GLDN: variants seen among roughly 807,000 people sequenced by gnomAD.
GLDN encodes collomin.
Under a neutral mutation model 56.5 loss-of-function variants are expected in GLDN, and 47 were observed. That is an observed-to-expected ratio of 0.83 (90% confidence interval 0.66 to 1.06). GLDN has a LOEUF of 1.06. GLDN is among the 50% of genes least tolerant of loss of function. The pLI, the probability that GLDN is intolerant of heterozygous loss-of-function variation, is 0.00. For missense variants in GLDN, 782 were observed against 714.3 expected, an observed-to-expected ratio of 1.09 and a Z score of -1.08; for synonymous variants, 332 against 278.8, an observed-to-expected ratio of 1.19 and a Z score of -1.90.
intron 2 of GLDN, among the ~76,000 whole-genome samples, chr15:51,381,201 A>G (rs1037308168): frequency 1.3e-5 from 2 of 152,210 alleles, no homozygotes; most frequent in African/African-American, 4.8e-5. Context: ...AGCTCTCACC[A>G]ACAGTACTGA....
chr15:51,402,740 C>T (rs115978251), intron 9 of GLDN, among the ~76,000 whole-genome samples: 1,612 of 152,226 alleles, frequency 0.011, 26 homozygotes, highest in African/African-American at 0.036. Flanking sequence ...TAGAATGGGG[C>T]GAGTTTCCTA....
rs1363716301 is a variant in GLDN, at chr15:51,400,450, T to A, written c.979T>A (p.Ser327Thr). ...TETFGTWIRESANKSDDRIWV... is the reference protein window; with the variant it reads ...TETFGTWIRETANKSDDRIWV... ...GACATTTGGGACTTGGATAAGAGAG[T>A]CTGCTAACAAGAGTGATGACCGGAT... The change falls in exon 8 of 10, where the codon TCT becomes ACT. Residue 327 changes from serine (S) to threonine (T), a missense_variant. Physicochemically the swap from Ser to Thr is moderately conservative, Grantham distance 58. Transcript: ENST00000335449. The A allele has an allele frequency of 6.2e-7, 1 of 1,613,648 alleles. No individual in the cohort carries two copies. Among genetic ancestry groups the A allele is most frequent in the African/African-American group, 1.3e-5 (1 of 74,846 alleles).
chr15:51,369,282 A>T, intron 1 of GLDN, among the ~76,000 whole-genome samples: 1 of 152,274 alleles, frequency 6.6e-6, no homozygotes, highest in East Asian at 1.9e-4. Flanking sequence ...TTGCATGCAT[A>T]TAATAACAGC....
intron 6 of GLDN, among the ~76,000 whole-genome samples, chr15:51,399,299 CA>C: frequency 6.6e-6 from 1 of 152,302 alleles, no homozygotes; most frequent in East Asian, 1.9e-4. Flanking sequence ...AGGAGCCCTT[CA>C]GATTACCCTC....
chr15:51,390,503 C>T (rs1260626815), intron 4 of GLDN, among the ~76,000 whole-genome samples: 7 of 152,220 alleles, frequency 4.6e-5, no homozygotes, highest in Non-Finnish European at 1.0e-4. Flanking sequence ...CTCATTTTCT[C>T]ACTTAAGAGT....
intron 2 of GLDN, among the ~76,000 whole-genome samples, chr15:51,383,146 C>T (rs752420026): frequency 3.3e-5 from 5 of 152,168 alleles, no homozygotes; most frequent in South Asian, 2.1e-4. Flanking sequence ...ACTGGCCCTC[C>T]GTTTATTAGG....
chr15:51,383,788 C>A lies in GLDN; in HGVS notation c.437C>A (p.Pro146His), dbSNP rs1446998999. Residue 146 changes from proline to histidine, a missense_variant, in exon 4 of 10, where the codon CCT becomes CAT. By Grantham distance (77) the Pro-to-His change is moderately conservative. Coordinates refer to ENST00000335449, the MANE Select transcript of GLDN (RefSeq NM_181789.4). The part of the protein sequence containing the change: ...CLTGPSGPPG[P>H]PGAGGLPGHN... ...CTGTTTCTGTGTTTTGATGCAGGAC[C>A]TCCGGGAGCCGGCGGGTTGCCAGGA... is the stretch of plus-strand genomic sequence containing the variant. The A allele has an allele frequency of 1.2e-6, 2 of 1,606,836 alleles. No individual in the cohort carries two copies. The highest frequency in any genetic ancestry group is 2.2e-5 in the East Asian group (1 of 44,794).
chr15:51,373,447 G>A (rs1036787230), intron 1 of GLDN, among the ~76,000 whole-genome samples: 2 of 152,220 alleles, frequency 1.3e-5, no homozygotes. Flanking sequence ...ACTGATAAAA[G>A]TTCGTGTACA....
At chr15:51,413,346 T>G in the GLDN span, among the ~76,000 whole-genome samples, 2 of 152,172 alleles carry the variant, frequency 1.3e-5, no homozygotes, top group African/African-American at 2.4e-5. Context: ...AAAAACACCT[T>G]AAGAAGCCAA....
intron 1 of GLDN, among the ~76,000 whole-genome samples, chr15:51,370,813 G>A (rs1482712592): frequency 6.6e-6 from 1 of 152,078 alleles, no homozygotes; most frequent in Non-Finnish European, 1.5e-5. Context: ...CCAACATGGT[G>A]AAATCTCATC....
At chr15:51,351,498 G>A (rs944550852) in intron 1 of GLDN, among the ~76,000 whole-genome samples, 1 of 152,186 alleles carries the variant, frequency 6.6e-6, no homozygotes, top group African/African-American at 2.4e-5. Flanking sequence ...CTGCCCACTA[G>A]ACCACAGGCT....
chr15:51,408,193 A>C (rs1374909469), downstream of GLDN, among the ~76,000 whole-genome samples: 1 of 152,254 alleles, frequency 6.6e-6, no homozygotes, highest in Non-Finnish European at 1.5e-5. Context: ...TCTATAAGAA[A>C]ACATGAGCGA....
chr15:51,374,388 G>A (rs935275826), intron 1 of GLDN, among the ~76,000 whole-genome samples: 2 of 152,124 alleles, frequency 1.3e-5, no homozygotes, highest in African/African-American at 4.8e-5. Context: ...TTATGAAAAT[G>A]ACTAAAGGCA....
Position 51,350,735 on chromosome 15 carries a change from A to T in GLDN, c.363+8688A>T, listed in dbSNP as rs556110934. On this transcript the variant is annotated intron_variant, in intron 1 of 9. Coordinates refer to ENST00000335449, the MANE Select transcript of GLDN (RefSeq NM_181789.4). ...GGCCCCTGAGATCCATTGCATACAC[A>T]CAAATAAAGCATTCCTTGTAAGAAA... 7.9e-5 allele frequency among the ~76,000 whole-genome samples: 12 copies of T among 152,328 alleles called. 1 individual carries two copies. The highest frequency in any genetic ancestry group is 2.9e-4 in the African/African-American group (12 of 41,558).
downstream of GLDN, among the ~76,000 whole-genome samples, chr15:51,411,086 G>C (rs1246419173): frequency 6.6e-6 from 1 of 152,208 alleles, no homozygotes; most frequent in African/African-American, 2.4e-5. Flanking sequence ...GGGCGAAATA[G>C]GGACTGAAAG....
chr15:51,357,854 A>G (rs2141059533), intron 1 of GLDN, among the ~76,000 whole-genome samples: 1 of 152,240 alleles, frequency 6.6e-6, no homozygotes, highest in East Asian at 1.9e-4. Context: ...TAGGAGCCTA[A>G]GTTGAGGGAG....
intron 1 of GLDN, among the ~76,000 whole-genome samples, chr15:51,374,538 G>C (rs1434803546): frequency 6.6e-6 from 1 of 152,134 alleles, no homozygotes; most frequent in Non-Finnish European, 1.5e-5. Context: ...TTGAGTAAAT[G>C]ATGGCATCTC....
At chr15:51,389,962 A>G (rs1383004504) in intron 4 of GLDN, among the ~76,000 whole-genome samples, 20 of 152,226 alleles carry the variant, frequency 1.3e-4, no homozygotes, top group African/African-American at 4.8e-4. Context: ...TCTGTAGCCT[A>G]ACGGTTGCTT....
At chr15:51,364,958 T>C (rs79028099) in intron 1 of GLDN, among the ~76,000 whole-genome samples, 2,210 of 152,322 alleles carry the variant, frequency 0.015, 50 homozygotes, top group African/African-American at 0.051. Flanking sequence ...ATGCCAAAAA[T>C]GTCCTACTGT....
Sources: gnomAD v4.1 joint callset for allele counts (sites outside exome capture counted in the v4.1 genomes callset) on GRCh38, gnomAD v4.1.1 for gene constraint, MANE v1.5 for transcripts, NCBI Gene and HGNC (gene_info 2026-07-23, HGNC 2026-07-21) for gene names.